Variants in KIAA1217 observed in about 807,000 individuals in gnomAD.
KIAA1217 encodes KIAA1217.
Under a neutral mutation model 163.9 loss-of-function variants are expected in KIAA1217, and 88 were observed. That is an observed-to-expected ratio of 0.54 (90% confidence interval 0.45 to 0.64). KIAA1217 has a LOEUF of 0.64. Among genes scored for constraint, KIAA1217 ranks in the 30% least tolerant of loss-of-function variants. The pLI is 0.00. For missense variants in KIAA1217, 2,372 were observed against 2,475.0 expected (o/e 0.96, Z 0.88); for synonymous variants, 903 against 923.1 (o/e 0.98, Z 0.39).
chr10:24,055,258 C>A (rs757992674), intron 2 of KIAA1217, among the ~76,000 whole-genome samples: 1 of 151,950 alleles, frequency 6.6e-6, no homozygotes. Flanking sequence ...CAGAGTGAGA[C>A]CCTGTCTCAA....
At chr10:23,983,197 G>A (rs944744551) in intron 1 of KIAA1217, among the ~76,000 whole-genome samples, 1 of 152,002 alleles carries the variant, frequency 6.6e-6, no homozygotes, top group African/African-American at 2.4e-5. Flanking sequence ...AAATTCAGTG[G>A]GATGGGATGC....
intron 1 of KIAA1217, among the ~76,000 whole-genome samples, chr10:23,837,732 G>C (rs984931460): frequency 6.6e-6 from 1 of 151,898 alleles, no homozygotes; most frequent in Non-Finnish European, 1.5e-5. Flanking sequence ...TTAGAGATGG[G>C]GTCTCACTGT....
intron 2 of KIAA1217, among the ~76,000 whole-genome samples, chr10:24,324,138 T>C (rs114811287): frequency 0.015 from 2,338 of 151,552 alleles, 36 homozygotes; most frequent in East Asian, 0.088. Flanking sequence ...CATGGTAACA[T>C]GTGCCTGTAG....
intron 2 of KIAA1217, among the ~76,000 whole-genome samples, chr10:24,038,559 G>A (rs1014120779): frequency 7.9e-5 from 12 of 152,118 alleles, no homozygotes; most frequent in African/African-American, 2.9e-4. Flanking sequence ...AATGGAAGGA[G>A]CAAAAATGAG....
At chr10:24,508,413 T>G (rs1219149492) in intron 9 of KIAA1217, among the ~76,000 whole-genome samples, 1 of 152,158 alleles carries the variant, frequency 6.6e-6, no homozygotes, top group Admixed American at 6.6e-5. Flanking sequence ...CTAAACACAT[T>G]CCCCATAAAA....
chr10:24,544,404 C>A lies in KIAA1217; in HGVS notation c.5134C>A (p.Pro1712Thr). Residue 1712 changes from proline to threonine, a missense_variant, in exon 19 of 21, where the codon CCC becomes ACC. Pro to Thr is a conservative substitution (Grantham distance 38). Coordinates refer to ENST00000376454, the MANE Select transcript of KIAA1217 (RefSeq NM_019590.5). The stretch of plus-strand genomic sequence containing the variant: ...ATCCCACATAGCCCAAGAGGCCTCT[C>A]CCCGACCCTTGCTAGTTCCGGATGA... ...SSSHIAQEAS[P>T]RPLLVPDEGP... The A allele has an allele frequency of 6.2e-7, 1 of 1,614,122 alleles. No homozygotes were observed. The highest frequency in any genetic ancestry group is 1.7e-5 in the Admixed American group (1 of 60,022).
chr10:24,425,850 T>C (rs558234595), intron 3 of KIAA1217, among the ~76,000 whole-genome samples: 23 of 152,374 alleles, frequency 1.5e-4, no homozygotes, highest in South Asian at 1.4e-3. Context: ...AACAGTGATA[T>C]GTGGGAGTAT....
chr10:24,468,178 A>G (rs1398526060), intron 5 of KIAA1217, among the ~76,000 whole-genome samples: 1 of 152,156 alleles, frequency 6.6e-6, no homozygotes, highest in Admixed American at 6.5e-5. Context: ...AGACTTGAAA[A>G]CATCCCTCCA....
At chr10:23,930,473 T>C (rs1347134050) in intron 1 of KIAA1217, among the ~76,000 whole-genome samples, 1 of 152,212 alleles carries the variant, frequency 6.6e-6, no homozygotes, top group Admixed American at 6.5e-5. Context: ...TCCTGTATTA[T>C]TTGCTCTCAA....
intron 1 of KIAA1217, among the ~76,000 whole-genome samples, chr10:23,745,455 G>C (rs1473482347): frequency 6.6e-6 from 1 of 152,132 alleles, no homozygotes; most frequent in African/African-American, 2.4e-5. Flanking sequence ...GGCATCTTTG[G>C]AAATTGGTCG....
intron 1 of KIAA1217, among the ~76,000 whole-genome samples, chr10:23,903,412 C>T (rs73604431): frequency 0.069 from 10,548 of 152,078 alleles, 1,213 homozygotes; most frequent in African/African-American, 0.24. Flanking sequence ...ACCTATTTAA[C>T]CAAAGTCTTA....
At chr10:23,735,824 A>G (rs1215442064) in intron 1 of KIAA1217, among the ~76,000 whole-genome samples, 7 of 152,222 alleles carry the variant, frequency 4.6e-5, no homozygotes, top group Non-Finnish European at 1.0e-4. Flanking sequence ...TTTAAAATGT[A>G]TAATTAATCA....
chr10:24,306,160 G>T (rs569893764), intron 2 of KIAA1217, among the ~76,000 whole-genome samples: 1 of 151,928 alleles, frequency 6.6e-6, no homozygotes, highest in Non-Finnish European at 1.5e-5. Context: ...TCACTCTTCA[G>T]GCATTAACAA....
chr10:23,867,973 T>G (rs1003438502), intron 1 of KIAA1217, among the ~76,000 whole-genome samples: 5 of 152,184 alleles, frequency 3.3e-5, no homozygotes, highest in Non-Finnish European at 7.3e-5. Context: ...TCTAGGATTT[T>G]TATGGTTTTA....
At chr10:24,157,045 G>T (rs1419850320) in intron 2 of KIAA1217, among the ~76,000 whole-genome samples, 1 of 152,154 alleles carries the variant, frequency 6.6e-6, no homozygotes, top group African/African-American at 2.4e-5. Flanking sequence ...GGAATTGCTG[G>T]ATCATATAGG....
rs1210930891 is a variant in KIAA1217 at position 24,177,258 on chromosome 10, CATATATAT to C, written c.-170-42335_-170-42328del. The stretch of plus-strand genomic sequence containing the variant: ...CTAGCACGTTTTCACCTCTCACCAT[CATATATAT>C]ATATATATATATATATATATATATA... On this transcript the variant is annotated intron_variant, in intron 2 of 18. Transcript: ENST00000376462. 2.1e-3 allele frequency among the ~76,000 whole-genome samples: 52 copies of C among 25,152 alleles called. 3 individuals carry two copies. In the East Asian group the frequency reaches 0.022, roughly 11 times the overall value. The allele number at this position is 25,152 out of a possible 152,430, so 16.5% of individuals were successfully genotyped here.
At position 23,741,638 on chromosome 10, in the gene KIAA1217, CA is replaced by C. The variant is rs1259532435; in HGVS notation, c.-321+46405del. 3.9e-5 allele frequency among the ~76,000 whole-genome samples: 6 copies of C among 152,178 alleles called. No homozygotes were observed. The South Asian group carries it at 1.2e-3, about 32-fold the overall frequency. On this transcript the variant is annotated intron_variant, in intron 1 of 18. Transcript: ENST00000376462. ...AGCACATAGGCTGTACATGCAGAGC[CA>C]GCTCTGGGTGGCCTGAGCTGCCAGC... is the stretch of plus-strand genomic sequence containing the variant.
intron 2 of KIAA1217, among the ~76,000 whole-genome samples, chr10:24,190,387 C>A (rs1437541025): frequency 1.3e-5 from 2 of 152,160 alleles, no homozygotes; most frequent in Non-Finnish European, 2.9e-5. Context: ...CATGCGGTAG[C>A]CATTTCTCAT....
At chr10:24,144,703 A>C (rs1448443333) in intron 2 of KIAA1217, among the ~76,000 whole-genome samples, 1 of 152,220 alleles carries the variant, frequency 6.6e-6, no homozygotes, top group African/African-American at 2.4e-5. Flanking sequence ...TTGAAATGGC[A>C]GGATCTGGAG....
Sources: gnomAD v4.1 joint callset for allele counts (sites outside exome capture counted in the v4.1 genomes callset) on GRCh38, gnomAD v4.1.1 for gene constraint, MANE v1.5 for transcripts, NCBI Gene and HGNC (gene_info 2026-07-23, HGNC 2026-07-21) for gene names.